The following MED15 variants were observed in gnomAD, a reference collection of about 807,000 sequenced individuals.
The protein encoded by MED15 is mediator complex subunit 15.
MED15 carries 41 observed loss-of-function variants against 118.7 expected under a neutral mutation model. That is an observed-to-expected ratio of 0.35 (90% CI 0.27 to 0.45). The LOEUF is 0.45. MED15 is among the 20% of genes least tolerant of loss of function. MED15 has a pLI of 1.00. For synonymous variants in MED15, 436 were observed against 413.9 expected, an observed-to-expected ratio of 1.05 and a Z score of -0.65; for missense variants, 740 against 1,025.5, an observed-to-expected ratio of 0.72 and a Z score of 3.80.
At chr22:20,533,110 G>C (rs544320903) in intron 1 of MED15, among the ~76,000 whole-genome samples, 1 of 152,176 alleles carries the variant, frequency 6.6e-6, no homozygotes, top group African/African-American at 2.4e-5. Flanking sequence ...AGATCAGAAG[G>C]GGGCTTTGGG....
intron 1 of MED15, among the ~76,000 whole-genome samples, chr22:20,512,393 G>A (rs768577463): frequency 2.6e-5 from 4 of 151,872 alleles, no homozygotes; most frequent in Admixed American, 1.3e-4. Context: ...CTTCTTTTAG[G>A]TGTCTGCTCA....
intron 2 of MED15, among the ~76,000 whole-genome samples, chr22:20,546,031 A>C (rs549893442): frequency 1.1e-4 from 16 of 152,150 alleles, no homozygotes; most frequent in Non-Finnish European, 2.1e-4. Flanking sequence ...GCCCCACCTG[A>C]CAATCACATG....
intron 9 of MED15, among the ~76,000 whole-genome samples, chr22:20,579,338 C>T (rs773513615): frequency 1.1e-4 from 17 of 151,852 alleles, no homozygotes; most frequent in East Asian, 1.9e-4. Flanking sequence ...TTCCTGCTCT[C>T]GTGCTCTTGG....
intron 8 of MED15, chr22:20,574,316 G>C (rs1439707881): frequency 6.6e-6 from 1 of 152,382 alleles, no homozygotes; most frequent in African/African-American, 2.4e-5. Context: ...CCCAGAGCAA[G>C]AGTGGTCGGG....
chr22:20,556,861 A>G (rs1466276481), intron 5 of MED15, among the ~76,000 whole-genome samples: 3 of 152,194 alleles, frequency 2.0e-5, no homozygotes, highest in Non-Finnish European at 4.4e-5. Context: ...GAATCATACC[A>G]TATGTGACTT....
At chr22:20,571,627 G>A (rs1204691999) in intron 8 of MED15, among the ~76,000 whole-genome samples, 3 of 152,214 alleles carry the variant, frequency 2.0e-5, no homozygotes, top group Non-Finnish European at 2.9e-5. Context: ...AGTTTCTTGG[G>A]GGCTAATTGG....
intron 9 of MED15, among the ~76,000 whole-genome samples, chr22:20,578,324 C>T (rs183035448): frequency 6.6e-6 from 1 of 152,272 alleles, no homozygotes; most frequent in Admixed American, 6.5e-5. Flanking sequence ...AGAGGGACAC[C>T]CTGGAGTGGA....
Position 20,566,676 on chromosome 22 carries a change from G to A in MED15, c.900G>A (p.Gln300=). 1 of 1,614,084 alleles carries A rather than the reference G, an allele frequency of 6.2e-7. No homozygotes were observed. The highest frequency in any genetic ancestry group is 8.5e-7 in the Non-Finnish European group (1 of 1,180,008). Residue 300 remains glutamine, a synonymous_variant, in exon 7 of 18, where the codon CAG becomes CAA. Coordinates refer to ENST00000263205, the MANE Select transcript of MED15 (RefSeq NM_001003891.3). ...LQQMHHTQHH[Q]PPPQPQQPPV... is the part of the protein sequence containing the mutation. ...AGATGCATCACACACAGCACCACCAGCCGCCACCACAGCCCCAGCAGCCTC... is the reference window on the plus strand; with the variant it reads ...AGATGCATCACACACAGCACCACCAACCGCCACCACAGCCCCAGCAGCCTC...
chr22:20,551,334 T>C (rs775726827), intron 2 of MED15, 102 bp from the exon 3 acceptor site: 2 of 1,047,634 alleles, frequency 1.9e-6, no homozygotes, highest in Non-Finnish European at 3.0e-6. Flanking sequence ...CCTTGCAGGA[T>C]GGGCTTCAGC....
intron 1 of MED15, among the ~76,000 whole-genome samples, chr22:20,517,443 G>C (rs1422861396): frequency 6.6e-6 from 1 of 152,176 alleles, no homozygotes; most frequent in Non-Finnish European, 1.5e-5. Flanking sequence ...CTACCTAAAA[G>C]ATCCTTCCTT....
intron 1 of MED15, among the ~76,000 whole-genome samples, chr22:20,524,047 A>G (rs1487241088): frequency 6.6e-6 from 1 of 152,216 alleles, no homozygotes; most frequent in African/African-American, 2.4e-5. Context: ...ATTCTGAAGT[A>G]TATATTTTTA....
chr22:20,561,398 T>C (rs1438455227), intron 5 of MED15, among the ~76,000 whole-genome samples: 2 of 151,974 alleles, frequency 1.3e-5, no homozygotes, highest in African/African-American at 4.8e-5. Context: ...CGCATGCCTG[T>C]AATCCCAGCT....
intron 6 of MED15, among the ~76,000 whole-genome samples, chr22:20,566,050 T>G (rs897022910): frequency 7.9e-6 from 1 of 126,552 alleles, no homozygotes; most frequent in African/African-American, 3.4e-5. Context: ...TTTTTTTTTT[T>G]GAGACTTTTT....
intron 4 of MED15, 92 bp from the exon 5 acceptor site, chr22:20,554,844 C>A: frequency 1.6e-6 from 2 of 1,279,254 alleles, no homozygotes; most frequent in Non-Finnish European, 2.2e-6. Context: ...TGTAGGTAGG[C>A]GAGATCTGTG....
intron 10 of MED15, 33 bp from the exon 11 acceptor site, chr22:20,582,807 C>A (rs977757481): frequency 6.2e-7 from 1 of 1,604,750 alleles, no homozygotes; most frequent in Non-Finnish European, 8.5e-7. Context: ...CTGCCTGGAC[C>A]CCGGCTCACA....
intron 2 of MED15, among the ~76,000 whole-genome samples, chr22:20,548,619 C>T (rs2055649298): frequency 6.6e-6 from 1 of 152,144 alleles, no homozygotes; most frequent in Non-Finnish European, 1.5e-5. Context: ...TCCAGTGTTT[C>T]TCATGGCAGA....
At chr22:20,542,218 G>T (rs2055340982) in intron 2 of MED15, among the ~76,000 whole-genome samples, 1 of 152,140 alleles carries the variant, frequency 6.6e-6, no homozygotes, top group African/African-American at 2.4e-5. Flanking sequence ...TCACTCCCAG[G>T]TATATATCCA....
rs527438525 is a variant in MED15, at chr22:20,579,043, G to T, written c.1273-3568G>T. Reference sequence around the variant, plus strand: ...AGTGCTCAGCACGGGGGCCCAGGGGGTGGCATGGCCCATGCCACAATCCTC... The same window carrying T: ...AGTGCTCAGCACGGGGGCCCAGGGGTTGGCATGGCCCATGCCACAATCCTC... On this transcript the variant is annotated intron_variant, in intron 9 of 17. Transcript: ENST00000263205. Among the ~76,000 whole-genome samples the T allele has an allele frequency of 1.9e-4, 29 of 152,360 alleles. 1 individual carries two copies. Among genetic ancestry groups the T allele is most frequent in the African/African-American group, 7.0e-4 (29 of 41,590 alleles).
intron 1 of MED15, among the ~76,000 whole-genome samples, chr22:20,516,091 C>T (rs2054246986): frequency 6.6e-6 from 1 of 151,702 alleles, no homozygotes; most frequent in South Asian, 2.1e-4. Flanking sequence ...CTGAGGCGGG[C>T]GGATCACCTG....
Sources: allele counts gnomAD v4.1 joint callset (sites outside exome capture counted in the v4.1 genomes callset), GRCh38; gene constraint gnomAD v4.1.1; transcripts MANE v1.5; gene names NCBI Gene and HGNC (gene_info 2026-07-23, HGNC 2026-07-21).